The following FER variants were observed in gnomAD, a reference collection of about 807,000 sequenced individuals.
FER encodes the protein tyrosine-protein kinase Fer.
A neutral mutation model predicts 111.0 loss-of-function variants in FER; 63 were observed. The ratio of observed to expected loss-of-function variants is 0.57; its 90% CI spans 0.46 to 0.70. The LOEUF is 0.70. Ranked by LOEUF, FER falls within the 30% of genes least tolerant of loss-of-function variation. The pLI is 0.00. For synonymous variants in FER, 327 were observed against 313.9 expected (o/e 1.04, Z -0.44); for missense variants, 914 against 954.0 (o/e 0.96, Z 0.55).
Position 109,194,287 on chromosome 5 carries a change from A to G in FER, c.*6712A>G, listed in dbSNP as rs78916550. On this transcript the variant is annotated 3_prime_UTR_variant, in exon 20 of 20. Coordinates refer to ENST00000281092, the MANE Select transcript of FER (RefSeq NM_005246.4). ...GTATTTCAATTGTGTAATGTTAAGGAGTTTTTTCATAGCTTCAGAAAAGAG... is the reference window on the plus strand; with the variant it reads ...GTATTTCAATTGTGTAATGTTAAGGGGTTTTTTCATAGCTTCAGAAAAGAG... 20,967 of 152,108 alleles carry G rather than the reference A, an allele frequency of 0.14. 1,470 individuals carry two copies. Among genetic ancestry groups the G allele is most frequent in the Middle Eastern group, 0.18 (54 of 294 alleles). 9.4% of individuals were successfully genotyped at this position (152,108 alleles called of 1,614,324 possible).
intron 5 of FER, among the ~76,000 whole-genome samples, chr5:108,837,504 AT>A (rs1159275047): frequency 1.3e-5 from 2 of 152,198 alleles, no homozygotes; most frequent in Non-Finnish European, 2.9e-5. Context: ...TCTCAAGTTA[AT>A]TAAATTACAT....
At chr5:108,962,463 A>G (rs1006836841) in intron 13 of FER, among the ~76,000 whole-genome samples, 3 of 152,148 alleles carry the variant, frequency 2.0e-5, no homozygotes, top group Non-Finnish European at 4.4e-5. Flanking sequence ...TCTCTTTGTC[A>G]TGCTAACATT....
At chr5:108,847,316 A>T (rs946726253) in intron 5 of FER, among the ~76,000 whole-genome samples, 2 of 151,530 alleles carry the variant, frequency 1.3e-5, no homozygotes, top group Admixed American at 6.6e-5. Context: ...CTAATGTTTT[A>T]TCGTTTTTCT....
chr5:108,763,048 T>C (rs1751935338), intron 1 of FER, among the ~76,000 whole-genome samples: 1 of 152,160 alleles, frequency 6.6e-6, no homozygotes. Flanking sequence ...CTTTCTAGAA[T>C]ATAATCTCCA....
chr5:108,889,718 G>C (rs141547160), intron 9 of FER, among the ~76,000 whole-genome samples: 1 of 151,724 alleles, frequency 6.6e-6, no homozygotes, highest in Non-Finnish European at 1.5e-5. Context: ...TGGATACCCC[G>C]TTTACCGTGA....
rs1454385412 is a variant in FER, at chr5:108,812,993, A to G, written c.207+14604A>G. On this transcript the variant is annotated intron_variant, in intron 3 of 19. Coordinates refer to ENST00000281092, the MANE Select transcript of FER (RefSeq NM_005246.4). ...AGTACATAATTCTTTATATTTGCTC[A>G]TTGAGTTACAGTGTATGGTAGTCTT... Among the ~76,000 whole-genome samples the G allele has an allele frequency of 3.3e-5, 5 of 152,170 alleles. No homozygotes were observed. In the South Asian group the frequency reaches 8.3e-4, roughly 25 times the overall value.
At chr5:108,842,985 G>T (rs998597113) in intron 5 of FER, 1 of 152,148 alleles carries the variant, frequency 6.6e-6, no homozygotes, top group African/African-American at 2.4e-5. Flanking sequence ...TTGCAAAATC[G>T]TGGAACCAAC....
intron 17 of FER, among the ~76,000 whole-genome samples, chr5:109,180,316 A>C (rs953796136): frequency 2.2e-4 from 34 of 152,208 alleles, no homozygotes; most frequent in African/African-American, 7.2e-4. Context: ...AATGTAACTA[A>C]AAGTATATAA....
chr5:108,993,504 G>A (rs768188583), intron 13 of FER, among the ~76,000 whole-genome samples: 187 of 152,118 alleles, frequency 1.2e-3, no homozygotes, highest in Non-Finnish European at 2.1e-3. Flanking sequence ...GTCCAGCTTC[G>A]GCTCGGCATC....
chr5:109,019,188 T>C (rs1767599163), intron 13 of FER, among the ~76,000 whole-genome samples: 1 of 151,750 alleles, frequency 6.6e-6, no homozygotes, highest in Non-Finnish European at 1.5e-5. Context: ...TATGCTATTT[T>C]GGTTTTGGAA....
chr5:108,838,603 C>A (rs1362436811), intron 5 of FER, among the ~76,000 whole-genome samples: 1 of 152,064 alleles, frequency 6.6e-6, no homozygotes, highest in Non-Finnish European at 1.5e-5. Context: ...AAACCCCTGA[C>A]CCCTGCTGTA....
At chr5:108,850,702 G>A (rs898255051) in intron 5 of FER, among the ~76,000 whole-genome samples, 3 of 151,860 alleles carry the variant, frequency 2.0e-5, no homozygotes, top group African/African-American at 7.3e-5. Context: ...TGTGTATTCT[G>A]TTTATTACAG....
chr5:108,957,340 A>G (rs1314193389), intron 12 of FER, among the ~76,000 whole-genome samples: 3 of 151,696 alleles, frequency 2.0e-5, no homozygotes, highest in East Asian at 1.9e-4. Flanking sequence ...GCCAGTAGGT[A>G]TTATGAAAAA....
At chr5:108,855,037 A>G (rs1274205631) in intron 5 of FER, among the ~76,000 whole-genome samples, 7 of 152,042 alleles carry the variant, frequency 4.6e-5, no homozygotes, top group Admixed American at 3.9e-4. Context: ...ACTGATTCCA[A>G]GATTTTTGGC....
chr5:108,807,555 C>A (rs2150068538), intron 3 of FER, among the ~76,000 whole-genome samples: 1 of 152,144 alleles, frequency 6.6e-6, no homozygotes, highest in South Asian at 2.1e-4. Flanking sequence ...CCTTGTTTAT[C>A]CTTTCAAAGA....
chr5:108,943,732 T>G (rs1756589020), intron 10 of FER, among the ~76,000 whole-genome samples: 1 of 152,024 alleles, frequency 6.6e-6, no homozygotes, highest in South Asian at 2.1e-4. Context: ...GTTTGTTTGT[T>G]TTTATTTTTT....
chr5:109,078,171 T>G (rs904594186), intron 16 of FER, among the ~76,000 whole-genome samples: 1 of 151,976 alleles, frequency 6.6e-6, no homozygotes, highest in African/African-American at 2.4e-5. Context: ...AGGAGCAAAA[T>G]GAAAGACATA....
intron 10 of FER, among the ~76,000 whole-genome samples, chr5:108,908,241 A>C (rs911093524): frequency 5.9e-5 from 9 of 152,230 alleles, no homozygotes; most frequent in African/African-American, 9.6e-5. Flanking sequence ...AAGGAATAAA[A>C]GATATTTAAA....
chr5:109,130,669 T>C (rs2126570203), intron 17 of FER, among the ~76,000 whole-genome samples: 1 of 152,174 alleles, frequency 6.6e-6, no homozygotes, highest in African/African-American at 2.4e-5. Flanking sequence ...TGTTGATAAA[T>C]TTTACGTTGT....
Sources: gnomAD v4.1 joint callset for allele counts (sites outside exome capture counted in the v4.1 genomes callset) on GRCh38, gnomAD v4.1.1 for gene constraint, MANE v1.5 for transcripts, NCBI Gene and HGNC (gene_info 2026-07-23, HGNC 2026-07-21) for gene names.